The following PABPC4L variants were observed in gnomAD, a reference collection of about 807,000 sequenced individuals.
PABPC4L encodes the protein polyadenylate-binding protein 4-like.
For missense variants in PABPC4L, 452 were observed against 451.4 expected (o/e 1.00, Z -0.01); for synonymous variants, 169 against 164.1 (o/e 1.03, Z -0.23).
the PABPC4L span, among the ~76,000 whole-genome samples, chr4:134,108,363 A>C: frequency 6.6e-6 from 1 of 151,802 alleles, no homozygotes; most frequent in South Asian, 2.1e-4. Flanking sequence ...TTGCTCTTTT[A>C]TTTATGTTTG....
At chr4:134,017,830 T>TCC in the PABPC4L span, among the ~76,000 whole-genome samples, 1 of 152,022 alleles carries the variant, frequency 6.6e-6, no homozygotes, top group Non-Finnish European at 1.5e-5. Context: ...CACTCTAGGT[T>TCC]CCCATGCCGC....
the PABPC4L span, among the ~76,000 whole-genome samples, chr4:133,988,771 C>G: frequency 6.6e-6 from 1 of 152,190 alleles, no homozygotes; most frequent in Non-Finnish European, 1.5e-5. Context: ...TGTGTGGGTG[C>G]ACCAACCCCA....
chr4:134,147,917 A>T, the PABPC4L span, among the ~76,000 whole-genome samples: 153 of 152,228 alleles, frequency 1.0e-3, 2 homozygotes, highest in East Asian at 0.027. Context: ...CACAGTGGAT[A>T]CCTGGAACTT....
the PABPC4L span, among the ~76,000 whole-genome samples, chr4:134,013,681 C>G: frequency 6.6e-6 from 1 of 152,098 alleles, no homozygotes; most frequent in Non-Finnish European, 1.5e-5. Flanking sequence ...TTTTACACAT[C>G]GGTCCCTCCC....
At chr4:133,994,529 C>A in the PABPC4L span, among the ~76,000 whole-genome samples, 1 of 152,068 alleles carries the variant, frequency 6.6e-6, no homozygotes, top group African/African-American at 2.4e-5. Context: ...TTCCCTCATG[C>A]CGATAATTTT....
the PABPC4L span, among the ~76,000 whole-genome samples, chr4:134,176,576 C>A: frequency 6.6e-6 from 1 of 152,104 alleles, no homozygotes; most frequent in Non-Finnish European, 1.5e-5. Flanking sequence ...AGAAGCAGCA[C>A]ATGTGTGCCT....
the PABPC4L span, among the ~76,000 whole-genome samples, chr4:133,953,948 G>T: frequency 6.6e-6 from 1 of 152,298 alleles, no homozygotes; most frequent in African/African-American, 2.4e-5. Context: ...TCCTTTTTAA[G>T]ATTTCTAACC....
chr4:134,096,170 A>T, the PABPC4L span, among the ~76,000 whole-genome samples: 5 of 151,898 alleles, frequency 3.3e-5, no homozygotes, highest in African/African-American at 1.2e-4. Flanking sequence ...TATTTATTTT[A>T]TTGCCATTCT....
the PABPC4L span, among the ~76,000 whole-genome samples, chr4:134,165,843 A>C: frequency 2.6e-5 from 4 of 152,302 alleles, no homozygotes; most frequent in South Asian, 8.3e-4. Flanking sequence ...ACGTATGCTT[A>C]TCATAGCGCC....
chr4:134,169,875 T>C, the PABPC4L span, among the ~76,000 whole-genome samples: 1 of 152,180 alleles, frequency 6.6e-6, no homozygotes, highest in Non-Finnish European at 1.5e-5. Flanking sequence ...TTTTTAATTT[T>C]TTTTAACTTT....
the PABPC4L span, among the ~76,000 whole-genome samples, chr4:134,103,192 C>A: frequency 6.6e-6 from 1 of 151,494 alleles, no homozygotes; most frequent in African/African-American, 2.4e-5. Context: ...CCCTCAAAAT[C>A]TCTTGGTATG....
the PABPC4L span, among the ~76,000 whole-genome samples, chr4:134,103,964 G>A: frequency 4.0e-5 from 6 of 151,700 alleles, no homozygotes; most frequent in South Asian, 6.2e-4. Flanking sequence ...GTTTTTCTAG[G>A]ATCACCTATA....
At chr4:134,084,500 T>A in the PABPC4L span, among the ~76,000 whole-genome samples, 1 of 152,068 alleles carries the variant, frequency 6.6e-6, no homozygotes, top group Non-Finnish European at 1.5e-5. Context: ...GGATTTTTTT[T>A]TAAAAAAAAG....
chr4:134,197,015 G>C lies in PABPC4L; in HGVS notation c.*2892C>G, dbSNP rs1729680848. On this transcript the variant is annotated 3_prime_UTR_variant, in exon 2 of 2. Coordinates refer to ENST00000421491, the MANE Select transcript of PABPC4L (RefSeq NM_001114734.2). The stretch of plus-strand genomic sequence containing the variant: ...ATTATCAAATATTGTTCAAATATTT[G>C]AACAGTTTTACAGATTAGCTTTCCT... 6.6e-6 allele frequency: 1 copy of C among 151,562 alleles called. No individual in the cohort carries two copies. The highest frequency in any genetic ancestry group is 2.4e-5 in the African/African-American group (1 of 41,360). 9.4% of individuals were successfully genotyped at this position (151,562 alleles called of 1,614,324 possible). A position where few individuals can be genotyped will look rare whatever the true frequency, so the allele number is the denominator to read the frequency against.
At chr4:134,151,459 G>T in the PABPC4L span, among the ~76,000 whole-genome samples, 92 of 151,984 alleles carry the variant, frequency 6.1e-4, no homozygotes, top group African/African-American at 2.1e-3. Flanking sequence ...AGAATCGAGA[G>T]GTGTGGAAAA....
the PABPC4L span, among the ~76,000 whole-genome samples, chr4:133,966,627 A>G: frequency 1.3e-5 from 2 of 152,218 alleles, no homozygotes; most frequent in Admixed American, 1.3e-4. Context: ...CTACTCAGCC[A>G]TAAAAAAGCA....
At chr4:134,161,866 G>C in the PABPC4L span, among the ~76,000 whole-genome samples, 1 of 152,066 alleles carries the variant, frequency 6.6e-6, no homozygotes, top group African/African-American at 2.4e-5. Context: ...ACAGCAATTT[G>C]TTGAGACTGT....
the PABPC4L span, among the ~76,000 whole-genome samples, chr4:134,108,136 T>C: frequency 6.6e-6 from 1 of 151,692 alleles, no homozygotes; most frequent in African/African-American, 2.4e-5. Flanking sequence ...CTGATATCCC[T>C]TATTTATAAA....
chr4:134,009,396 T>A, the PABPC4L span, among the ~76,000 whole-genome samples: 1 of 152,020 alleles, frequency 6.6e-6, no homozygotes, highest in Non-Finnish European at 1.5e-5. Context: ...ACTATAAACA[T>A]GTTTAGCACA....
Sources: gnomAD v4.1 joint callset for allele counts (sites outside exome capture counted in the v4.1 genomes callset) on GRCh38, gnomAD v4.1.1 for gene constraint, MANE v1.5 for transcripts, NCBI Gene and HGNC (gene_info 2026-07-23, HGNC 2026-07-21) for gene names.